Variants in HS3ST3A1 observed in about 807,000 individuals in gnomAD.
The protein encoded by HS3ST3A1 is heparan sulfate-glucosamine 3-sulfotransferase 3A1, also known as heparan sulfate glucosamine 3-O-sulfotransferase 3A1.
In HS3ST3A1, 19 loss-of-function variants were observed where a neutral mutation model predicts 25.7. The observed-to-expected ratio is 0.74, with a 90% CI of 0.52 to 1.08. The LOEUF (loss-of-function observed/expected upper bound fraction) is 1.08, where lower values mean the gene tolerates loss of function less well. Ranked by LOEUF, HS3ST3A1 falls within the 50% of genes least tolerant of loss-of-function variation. The probability of loss-of-function intolerance (pLI) is 0.00; values close to 1 mark genes in which losing one functional copy is unlikely to be tolerated. For synonymous variants in HS3ST3A1, 226 were observed against 278.6 expected, an observed-to-expected ratio of 0.81 and a Z score of 1.88; for missense variants, 459 against 594.3, an observed-to-expected ratio of 0.77 and a Z score of 2.37.
chr17:13,551,286 T>A (rs1218196349), intron 1 of HS3ST3A1, among the ~76,000 whole-genome samples: 1 of 150,950 alleles, frequency 6.6e-6, no homozygotes, highest in African/African-American at 2.4e-5. Flanking sequence ...GAGGCAGAGG[T>A]TGCAGTGAGC....
At chr17:13,565,445 T>A (rs1013362512) in intron 1 of HS3ST3A1, among the ~76,000 whole-genome samples, 1 of 152,128 alleles carries the variant, frequency 6.6e-6, no homozygotes, top group Admixed American at 6.5e-5. Flanking sequence ...GGAAGGAGGA[T>A]CACTTGAGCC....
At chr17:13,555,720 T>G (rs895933565) in intron 1 of HS3ST3A1, among the ~76,000 whole-genome samples, 1 of 152,082 alleles carries the variant, frequency 6.6e-6, no homozygotes, top group African/African-American at 2.4e-5. Flanking sequence ...ATGTTTATAA[T>G]TAACAGAAGG....
intron 1 of HS3ST3A1, among the ~76,000 whole-genome samples, chr17:13,573,605 G>A (rs1907873647): frequency 6.6e-6 from 1 of 152,306 alleles, no homozygotes; most frequent in South Asian, 2.1e-4. Flanking sequence ...AAAGACAGTA[G>A]CTGTGTCTCT....
chr17:13,504,315 T>TCAAATAAACAAA, intron 1 of HS3ST3A1, among the ~76,000 whole-genome samples: 1 of 151,596 alleles, frequency 6.6e-6, no homozygotes, highest in Admixed American at 6.6e-5. Context: ...AGACTCCATC[T>TCAAATAAACAAA]CAAACAAACA....
chr17:13,495,316 T>C lies in HS3ST3A1; in HGVS notation c.*881A>G, dbSNP rs907206179. ...AAGATTTCCATATCTCAGTGTACTTTAAATAGCCAAGAGGCAAGACTGGCT... is the reference window on the plus strand; with the variant it reads ...AAGATTTCCATATCTCAGTGTACTTCAAATAGCCAAGAGGCAAGACTGGCT... On this transcript the variant is annotated 3_prime_UTR_variant, in exon 2 of 2. Transcript: ENST00000284110. Among the ~76,000 whole-genome samples, 4 of 152,194 alleles carry C rather than the reference T, an allele frequency of 2.6e-5. No homozygotes were observed. Among genetic ancestry groups the C allele is most frequent in the Non-Finnish European group, 4.4e-5 (3 of 68,038 alleles).
Position 13,494,278 on chromosome 17 carries a change from A to G in HS3ST3A1, c.*1919T>C, listed in dbSNP as rs1247348137. Among the ~76,000 whole-genome samples, 1 of 152,228 alleles carries G rather than the reference A, an allele frequency of 6.6e-6. No homozygotes were observed. Among genetic ancestry groups the G allele is most frequent in the East Asian group, 1.9e-4 (1 of 5,200 alleles). On this transcript the variant is annotated 3_prime_UTR_variant, in exon 2 of 2. Coordinates refer to ENST00000284110, the MANE Select transcript of HS3ST3A1 (RefSeq NM_006042.3). ...TGGCACTGGGAAATTGAGAGCATAGACATGAAGGAAATCAACTGAAAAAAG... is the reference window on the plus strand; with the variant it reads ...TGGCACTGGGAAATTGAGAGCATAGGCATGAAGGAAATCAACTGAAAAAAG...
intron 1 of HS3ST3A1, among the ~76,000 whole-genome samples, chr17:13,587,583 G>A (rs1908309771): frequency 1.3e-5 from 2 of 152,182 alleles, no homozygotes; most frequent in Admixed American, 1.3e-4. Flanking sequence ...AGGTGACAAT[G>A]AAAGTGACCT....
intron 1 of HS3ST3A1, 152 bp from the exon 2 acceptor site, chr17:13,496,970 C>T: frequency 1.0e-6 from 1 of 1,004,956 alleles, no homozygotes; most frequent in East Asian, 2.6e-5. Flanking sequence ...CAACGAGCCC[C>T]GCACCTCAGA....
intron 1 of HS3ST3A1, among the ~76,000 whole-genome samples, chr17:13,522,778 A>G (rs1264641713): frequency 1.3e-5 from 2 of 151,974 alleles, no homozygotes; most frequent in Non-Finnish European, 2.9e-5. Context: ...AATAATATTT[A>G]ATGATACCAA....
intron 1 of HS3ST3A1, among the ~76,000 whole-genome samples, chr17:13,563,905 G>A (rs1356810264): frequency 2.0e-5 from 3 of 152,122 alleles, no homozygotes; most frequent in Non-Finnish European, 4.4e-5. Context: ...ATGAGCACCG[G>A]TGCCAGGCAC....
intron 1 of HS3ST3A1, among the ~76,000 whole-genome samples, chr17:13,587,143 C>T (rs1317087252): frequency 6.6e-6 from 1 of 151,684 alleles, no homozygotes. Context: ...AAAGTCCCAA[C>T]TCCTTAAACA....
chr17:13,569,664 A>AT (rs200535068), intron 1 of HS3ST3A1, among the ~76,000 whole-genome samples: 1,714 of 152,310 alleles, frequency 0.011, 20 homozygotes, highest in Non-Finnish European at 0.017. Context: ...TCAGGCGTTC[A>AT]TTTTTTACAA....
chr17:13,515,685 C>A (rs1328652170), intron 1 of HS3ST3A1, among the ~76,000 whole-genome samples: 3 of 152,080 alleles, frequency 2.0e-5, no homozygotes, highest in Admixed American at 1.3e-4. Context: ...GGTCATTTAA[C>A]AAGTATATGT....
chr17:13,507,069 C>CA (rs112172600), intron 1 of HS3ST3A1, among the ~76,000 whole-genome samples: 1,220 of 91,912 alleles, frequency 0.013, 11 homozygotes, highest in Non-Finnish European at 0.018. Flanking sequence ...ACTCCGTCTC[C>CA]AAAAAAAAAA....
chr17:13,591,964 C>T (rs778337763), intron 1 of HS3ST3A1, among the ~76,000 whole-genome samples: 3 of 152,178 alleles, frequency 2.0e-5, no homozygotes, highest in Non-Finnish European at 2.9e-5. Flanking sequence ...CTGGCCCTAA[C>T]GTGCTGCCCA....
chr17:13,579,259 T>C (rs918608814), intron 1 of HS3ST3A1, among the ~76,000 whole-genome samples: 2 of 152,204 alleles, frequency 1.3e-5, no homozygotes, highest in Non-Finnish European at 2.9e-5. Context: ...TTTGACCTTA[T>C]GATTCTACTT....
At chr17:13,538,612 GA>G (rs1906837446) in intron 1 of HS3ST3A1, among the ~76,000 whole-genome samples, 1 of 152,052 alleles carries the variant, frequency 6.6e-6, no homozygotes, top group South Asian at 2.1e-4. Context: ...GACCACTCCT[GA>G]AAGGTGAGAA....
chr17:13,579,699 T>TA (rs1908049874), intron 1 of HS3ST3A1, among the ~76,000 whole-genome samples: 1 of 38,164 alleles, frequency 2.6e-5, no homozygotes, highest in African/African-American at 1.2e-4. Context: ...AGACTCCATC[T>TA]CCAAAAAAAA....
intron 1 of HS3ST3A1, among the ~76,000 whole-genome samples, chr17:13,508,947 G>T (rs867461279): frequency 9.9e-5 from 15 of 151,676 alleles, no homozygotes; most frequent in South Asian, 6.2e-4. Flanking sequence ...CTACTTTGAG[G>T]GTAAGCATCT....
Sources: allele counts gnomAD v4.1 joint callset (sites outside exome capture counted in the v4.1 genomes callset), GRCh38; gene constraint gnomAD v4.1.1; transcripts MANE v1.5; gene names NCBI Gene and HGNC (gene_info 2026-07-23, HGNC 2026-07-21).